ADARB1: variants seen among roughly 807,000 people sequenced by gnomAD.
ADARB1 encodes adenosine deaminase RNA specific B1, also known as double-stranded RNA-specific editase 1.
ADARB1 carries 10 observed loss-of-function variants against 52.4 expected under a neutral mutation model. The ratio of observed to expected loss-of-function variants is 0.19; its 90% CI spans 0.12 to 0.32. The LOEUF is 0.32. ADARB1 is among the 10% of genes least tolerant of loss of function. The pLI is 1.00. For missense variants in ADARB1, 643 were observed against 922.3 expected (o/e 0.70, Z 3.92); for synonymous variants, 349 against 371.1 (o/e 0.94, Z 0.68).
rs572380899 is a variant in ADARB1, at chr21:45,148,860, G to T, written c.-48+20287G>T. Among the ~76,000 whole-genome samples the T allele has an allele frequency of 4.5e-4, 69 of 152,256 alleles. 1 individual carries two copies. Among genetic ancestry groups the T allele is most frequent in the African/African-American group, 1.6e-3 (68 of 41,538 alleles). ...CCCAGCTTCTCTCTCCACCCATGCC[G>T]CCATGGGAGAGTTTAGGCTGTCTCG... is the stretch of plus-strand genomic sequence containing the variant. On this transcript the variant is annotated intron_variant, in intron 2 of 10. Transcript: ENST00000348831.
At chr21:45,118,811 C>T (rs571747601) in intron 1 of ADARB1, among the ~76,000 whole-genome samples, 6 of 152,296 alleles carry the variant, frequency 3.9e-5, no homozygotes, top group African/African-American at 1.4e-4. Flanking sequence ...AAAAGCGTTC[C>T]CTATGGCTCC....
chr21:45,078,153 G>C (rs2086019027), intron 1 of ADARB1, among the ~76,000 whole-genome samples: 1 of 152,158 alleles, frequency 6.6e-6, no homozygotes, highest in Admixed American at 6.5e-5. Flanking sequence ...AGTGACTTTG[G>C]TTTTAGGTTT....
At chr21:45,158,137 A>C (rs1292817605) in intron 2 of ADARB1, among the ~76,000 whole-genome samples, 1 of 152,076 alleles carries the variant, frequency 6.6e-6, no homozygotes, top group East Asian at 1.9e-4. Flanking sequence ...ATTATGCAGG[A>C]GAGGAGGCGG....
At chr21:45,101,847 A>G (rs1386692519) in intron 1 of ADARB1, among the ~76,000 whole-genome samples, 2 of 152,166 alleles carry the variant, frequency 1.3e-5, no homozygotes, top group Admixed American at 1.3e-4. Flanking sequence ...TGGTGGACAT[A>G]CTTTTGCCAG....
intron 2 of ADARB1, among the ~76,000 whole-genome samples, chr21:45,161,180 G>A (rs1258511468): frequency 6.6e-6 from 1 of 152,184 alleles, no homozygotes; most frequent in Non-Finnish European, 1.5e-5. Flanking sequence ...AGGGCTCTGT[G>A]CTCCGCAAGT....
rs2093035456 is a variant in ADARB1, at chr21:45,224,787, G to C, written c.*2590G>C. 2.0e-6 allele frequency: 2 copies of C among 985,240 alleles called. No individual in the cohort carries two copies. The highest frequency in any genetic ancestry group is 2.4e-6 in the Non-Finnish European group (2 of 830,040). The allele number at this position is 985,240 out of a possible 1,614,324, so 61.0% of individuals were successfully genotyped here. A position where few individuals can be genotyped will look rare whatever the true frequency, so the allele number is the denominator to read the frequency against. ...GACCAGAGGCTCTGCACTGCTCCTA[G>C]GACAGCTCATCTGTAATCAGAAAAA... On this transcript the variant is annotated 3_prime_UTR_variant, in exon 11 of 11. Transcript: ENST00000348831.
intron 1 of ADARB1, among the ~76,000 whole-genome samples, chr21:45,116,522 A>G (rs930606545): frequency 6.6e-6 from 1 of 152,254 alleles, no homozygotes; most frequent in African/African-American, 2.4e-5. Flanking sequence ...TATCTGTATT[A>G]GTGTGTTCTC....
At chr21:45,075,585 G>A (rs1214600935) in intron 1 of ADARB1, among the ~76,000 whole-genome samples, 1 of 152,260 alleles carries the variant, frequency 6.6e-6, no homozygotes, top group Non-Finnish European at 1.5e-5. Context: ...TTGGGGGCCC[G>A]AGGTGACTTT....
At chr21:45,148,511 T>A (rs1156965278) in intron 2 of ADARB1, among the ~76,000 whole-genome samples, 1 of 152,148 alleles carries the variant, frequency 6.6e-6, no homozygotes, top group Non-Finnish European at 1.5e-5. Context: ...GTCAGGAAGG[T>A]TTGCCCATGA....
chr21:45,151,358 A>G lies in ADARB1; in HGVS notation c.-47-20252A>G, dbSNP rs117098249. ...ATATGGCATAATTTCCTTAGGTGCC[A>G]TGTGCAGTTGTCACAAGCATTGCAC... On this transcript the variant is annotated intron_variant, in intron 2 of 10. Transcript: ENST00000348831. 6.9e-3 allele frequency among the ~76,000 whole-genome samples: 1,054 copies of G among 152,398 alleles called. 14 individuals are homozygous for G. Among genetic ancestry groups the G allele is most frequent in the Non-Finnish European group, 9.8e-3 (666 of 68,046 alleles).
intron 1 of ADARB1, among the ~76,000 whole-genome samples, chr21:45,096,495 G>T (rs1479156573): frequency 6.6e-6 from 1 of 152,228 alleles, no homozygotes; most frequent in African/African-American, 2.4e-5. Context: ...CTGTTGGAGG[G>T]ACAGCCCCAG....
intron 1 of ADARB1, among the ~76,000 whole-genome samples, chr21:45,105,804 G>A (rs908338266): frequency 1.3e-4 from 20 of 152,212 alleles, no homozygotes; most frequent in African/African-American, 4.3e-4. Context: ...AACATGATTC[G>A]TCTGTCTGTA....
chr21:45,220,774 G>GCCA lies in ADARB1; in HGVS notation c.1748-61_1748-60insCAC. 2 of 1,577,350 alleles carry GCCA rather than the reference G, an allele frequency of 1.3e-6. No homozygotes were observed. Among genetic ancestry groups the GCCA allele is most frequent in the Non-Finnish European group, 1.7e-6 (2 of 1,154,606 alleles). On this transcript the variant is annotated intron_variant, in intron 9 of 10. Coordinates refer to ENST00000348831, the MANE Select transcript of ADARB1 (RefSeq NM_001112.4). The surrounding 1 kb of genome is among the most constrained non-coding windows in gnomAD (Gnocchi z 6.3). ...GTCTGAGCACAGTGTGCCGCCCGTGGCTGCTCCCTCCCTGGGGGTGAAAGC... is the reference window on the plus strand; with the variant it reads ...GTCTGAGCACAGTGTGCCGCCCGTGGCCACTGCTCCCTCCCTGGGGGTGAAAGC...
At position 45,222,469 on chromosome 21, in the gene ADARB1, G is replaced by A. The variant is rs1395583912; in HGVS notation, c.*272G>A. 3 of 1,219,144 alleles carry A rather than the reference G, an allele frequency of 2.5e-6. No homozygotes were observed. The highest frequency in any genetic ancestry group is 1.6e-5 in the African/African-American group (1 of 63,926). The allele number at this position is 1,219,144 out of a possible 1,614,324, so 75.5% of individuals were successfully genotyped here. A position where few individuals can be genotyped will look rare whatever the true frequency, so the allele number is the denominator to read the frequency against. The stretch of plus-strand genomic sequence containing the variant: ...TCCCCTTCTGAACCGTCCAGTGACT[G>A]CTTTCAATCTCGGTTTACGTTTAGA... On this transcript the variant is annotated 3_prime_UTR_variant, in exon 11 of 11. Coordinates refer to ENST00000348831, the MANE Select transcript of ADARB1 (RefSeq NM_001112.4).
At chr21:45,205,511 G>T (rs1423450469) in intron 9 of ADARB1, among the ~76,000 whole-genome samples, 1 of 152,224 alleles carries the variant, frequency 6.6e-6, no homozygotes, top group Non-Finnish European at 1.5e-5. Context: ...CCTAGAGCCT[G>T]CCCTGGGCTC....
chr21:45,210,771 C>T (rs140121849), intron 9 of ADARB1, among the ~76,000 whole-genome samples: 114 of 152,372 alleles, frequency 7.5e-4, no homozygotes, highest in African/African-American at 2.4e-3. Flanking sequence ...CTCCCATGGA[C>T]GAAGACAGTG....
chr21:45,117,322 A>C (rs2087886749), intron 1 of ADARB1, among the ~76,000 whole-genome samples: 1 of 152,202 alleles, frequency 6.6e-6, no homozygotes, highest in South Asian at 2.1e-4. Flanking sequence ...TTTTAGGCTT[A>C]CAAAATGTTG....
intron 8 of ADARB1, among the ~76,000 whole-genome samples, chr21:45,187,278 T>A (rs1370819449): frequency 2.6e-5 from 4 of 152,246 alleles, no homozygotes; most frequent in African/African-American, 9.6e-5. Flanking sequence ...TTTTTTGTGC[T>A]ATTGAAAATT....
intron 2 of ADARB1, among the ~76,000 whole-genome samples, chr21:45,136,444 T>A (rs1211286395): frequency 6.6e-6 from 1 of 152,204 alleles, no homozygotes; most frequent in Non-Finnish European, 1.5e-5. Flanking sequence ...TGCAGACAAG[T>A]GGAACTGCTG....
Sources: gnomAD v4.1 joint callset for allele counts (sites outside exome capture counted in the v4.1 genomes callset) on GRCh38, gnomAD v4.1.1 for gene constraint, Gnocchi (gnomAD v3.1) non-coding constraint, MANE v1.5 for transcripts, NCBI Gene and HGNC (gene_info 2026-07-23, HGNC 2026-07-21) for gene names.